NCF2: variants seen among roughly 807,000 people sequenced by gnomAD.
The protein encoded by NCF2 is neutrophil cytosol factor 2.
In NCF2, 45 loss-of-function variants were observed where a neutral mutation model predicts 70.9. The ratio of observed to expected loss-of-function variants is 0.63; its 90% CI spans 0.50 to 0.81. The LOEUF is 0.81. Among genes scored for constraint, NCF2 ranks in the 40% least tolerant of loss-of-function variants. The pLI is 0.00. For synonymous variants in NCF2, 203 were observed against 233.6 expected (o/e 0.87, Z 1.19); for missense variants, 522 against 631.6 (o/e 0.83, Z 1.86).
At chr1:183,596,696 T>G in the NCF2 span, among the ~76,000 whole-genome samples, 1 of 151,818 alleles carries the variant, frequency 6.6e-6, no homozygotes, top group Non-Finnish European at 1.5e-5. Flanking sequence ...GAGCCGACAT[T>G]GCATCACTGC....
At chr1:183,599,297 C>T in the NCF2 span, among the ~76,000 whole-genome samples, 1 of 152,136 alleles carries the variant, frequency 6.6e-6, no homozygotes, top group Non-Finnish European at 1.5e-5. Context: ...AGGAGGATTG[C>T]TTGAGCCCAG....
intron 10 of NCF2, among the ~76,000 whole-genome samples, chr1:183,565,113 C>T (rs886972802): frequency 1.3e-5 from 2 of 152,190 alleles, no homozygotes; most frequent in African/African-American, 2.4e-5. Flanking sequence ...TGATCAGGCG[C>T]GTGTGGCAAT....
the NCF2 span, among the ~76,000 whole-genome samples, chr1:183,598,583 A>T: frequency 2.1e-5 from 3 of 142,798 alleles, no homozygotes; most frequent in Non-Finnish European, 3.1e-5. Context: ...GAGGCTGCAT[A>T]AAAAAAAAAA....
intron 4 of NCF2, 113 bp downstream of exon 4, chr1:183,574,374 C>T: frequency 6.8e-7 from 1 of 1,466,068 alleles, no homozygotes; most frequent in Non-Finnish European, 9.5e-7. Context: ...CAGTGTTACC[C>T]AGACTCACAG....
chr1:183,563,746 G>T (rs918281100), intron 11 of NCF2, 161 bp from the exon 12 acceptor site: 2 of 920,308 alleles, frequency 2.2e-6, no homozygotes, highest in African/African-American at 1.6e-5. Flanking sequence ...GCCTTCAGAG[G>T]TCCTTTAGCC....
At chr1:183,583,555 C>T (rs1454390349) in intron 2 of NCF2, among the ~76,000 whole-genome samples, 1 of 152,174 alleles carries the variant, frequency 6.6e-6, no homozygotes, top group Non-Finnish European at 1.5e-5. Flanking sequence ...TAATCCAACA[C>T]TCATTTATTG....
chr1:183,599,423 C>CTTTCTTTCTTTCT, the NCF2 span, among the ~76,000 whole-genome samples: 100 of 107,508 alleles, frequency 9.3e-4, 1 homozygote, highest in African/African-American at 3.4e-3. Flanking sequence ...TCTTTCTTTC[C>CTTTCTTTCTTTCT]TTCTTTCTTT....
intron 2 of NCF2, among the ~76,000 whole-genome samples, chr1:183,580,965 C>T (rs1273306474): frequency 1.5e-5 from 2 of 130,740 alleles, no homozygotes; most frequent in Non-Finnish European, 3.2e-5. Context: ...GTTGACAGAG[C>T]GAGACTCCAA....
At position 183,585,397 on chromosome 1, in the gene NCF2, G is replaced by A. The variant is rs953548815; in HGVS notation, c.257+1498C>T. ...TCCCAGTACTTTGGGAGGCCGAGGC[G>A]GGTGGATCACAAGGTCAGGAGTTCG... On this transcript the variant is annotated intron_variant, in intron 2 of 14. Coordinates refer to ENST00000367535, the MANE Select transcript of NCF2 (RefSeq NM_000433.4). 6.9e-4 allele frequency among the ~76,000 whole-genome samples: 105 copies of A among 152,192 alleles called. 1 individual carries two copies. The highest frequency in any genetic ancestry group is 2.2e-3 in the African/African-American group (91 of 41,500).
At chr1:183,559,513 C>G (rs1671943294) in intron 14 of NCF2, among the ~76,000 whole-genome samples, 1 of 152,194 alleles carries the variant, frequency 6.6e-6, no homozygotes, top group Admixed American at 6.5e-5. Flanking sequence ...TTTGTTACCT[C>G]TGGGAATGAG....
At position 183,563,212 on chromosome 1, in the gene NCF2, A is replaced by G. The variant is rs373876135; in HGVS notation, c.1273T>C (p.Trp425Arg). The change falls in exon 13 of 15, where the codon TGG becomes CGG. Residue 425 changes from tryptophan to arginine, a missense_variant. Trp to Arg is a moderately radical substitution (Grantham distance 101, BLOSUM62 -3). Coordinates refer to ENST00000367535, the MANE Select transcript of NCF2 (RefSeq NM_000433.4). The stretch of plus-strand genomic sequence containing the variant: ...GCACTCACCACTGTGTTCTCACACC[A>G]CAGAGTCAGGCAGTAGTTTTTCACC... Reference protein sequence around the residue: ...GQVKNYCLTLWCENTVGDQGF... With the variant: ...GQVKNYCLTLRCENTVGDQGF... 38 of 1,614,174 alleles carry G rather than the reference A, an allele frequency of 2.4e-5. No homozygotes were observed. The highest frequency in any genetic ancestry group is 3.2e-5 in the Non-Finnish European group (38 of 1,180,020).
chr1:183,559,989 C>G (rs1671969659), intron 14 of NCF2, 107 bp downstream of exon 14: 1 of 1,285,546 alleles, frequency 7.8e-7, no homozygotes, highest in South Asian at 1.3e-5. Flanking sequence ...GTTGAAAACA[C>G]TGGCTAAAGT....
the NCF2 span, chr1:183,597,761 C>A: frequency 6.6e-6 from 1 of 152,208 alleles, no homozygotes; most frequent in African/African-American, 2.4e-5. Context: ...CTTTTGCTTT[C>A]CCTGTAGTGT....
intron 1 of NCF2, among the ~76,000 whole-genome samples, chr1:183,587,734 G>A (rs893986917): frequency 2.0e-5 from 3 of 151,626 alleles, no homozygotes; most frequent in Non-Finnish European, 4.4e-5. Flanking sequence ...TTTCCCAAAG[G>A]AGCTCATCAT....
intron 7 of NCF2, 77 bp from the exon 8 acceptor site, chr1:183,567,422 C>T (rs1282052459): frequency 6.2e-7 from 1 of 1,600,036 alleles, no homozygotes; most frequent in African/African-American, 1.3e-5. Context: ...AACTTGGAGC[C>T]AGGGACTTGG....
chr1:183,594,913 T>C (rs1034675381), upstream of NCF2, among the ~76,000 whole-genome samples: 2 of 152,220 alleles, frequency 1.3e-5, no homozygotes, highest in Non-Finnish European at 2.9e-5. Flanking sequence ...TTTAACTTTT[T>C]CTGGTACATG....
At chr1:183,582,088 G>A (rs111940286) in intron 2 of NCF2, among the ~76,000 whole-genome samples, 15 of 152,358 alleles carry the variant, frequency 9.8e-5, no homozygotes, top group African/African-American at 3.1e-4. Flanking sequence ...CAGCCCTGAA[G>A]GGGGTTCCGC....
At chr1:183,589,335 T>A (rs1673529733) in intron 1 of NCF2, among the ~76,000 whole-genome samples, 1 of 152,202 alleles carries the variant, frequency 6.6e-6, no homozygotes, top group Admixed American at 6.5e-5. Flanking sequence ...CACTTAATTT[T>A]CATGATATTT....
chr1:183,579,200 C>T (rs1672941343), intron 2 of NCF2, among the ~76,000 whole-genome samples: 2 of 152,184 alleles, frequency 1.3e-5, no homozygotes, highest in South Asian at 4.1e-4. Context: ...AACTGGGGGA[C>T]CCTAGCAAGT....
Sources: gnomAD v4.1 joint callset for allele counts (sites outside exome capture counted in the v4.1 genomes callset) on GRCh38, gnomAD v4.1.1 for gene constraint, MANE v1.5 for transcripts, NCBI Gene and HGNC (gene_info 2026-07-23, HGNC 2026-07-21) for gene names.